ONECUT1: variants seen among roughly 807,000 people sequenced by gnomAD.
ONECUT1 encodes the protein one cut homeobox 1.
In ONECUT1, 12 loss-of-function variants were observed where a neutral mutation model predicts 25.6. That is an observed-to-expected ratio of 0.47 (90% CI 0.30 to 0.76). The LOEUF is 0.76. Among genes scored for constraint, ONECUT1 ranks in the 30% least tolerant of loss-of-function variants. The probability of loss-of-function intolerance (pLI) is 0.07; values close to 1 mark genes in which losing one functional copy is unlikely to be tolerated. For synonymous variants in ONECUT1, 285 were observed against 270.2 expected, an observed-to-expected ratio of 1.05 and a Z score of -0.54; for missense variants, 620 against 651.2, an observed-to-expected ratio of 0.95 and a Z score of 0.52.
intron 1 of ONECUT1, among the ~76,000 whole-genome samples, chr15:52,766,604 C>T (rs2083735796): frequency 6.6e-6 from 1 of 152,228 alleles, no homozygotes; most frequent in Non-Finnish European, 1.5e-5. Flanking sequence ...TAGCAGACAG[C>T]ACACCCATGC....
chr15:52,773,291 T>C (rs1038161212), intron 1 of ONECUT1, among the ~76,000 whole-genome samples: 6 of 152,038 alleles, frequency 3.9e-5, no homozygotes, highest in African/African-American at 1.4e-4. Context: ...GTTCCCACTG[T>C]GCAGGAAAAG....
intron 1 of ONECUT1, among the ~76,000 whole-genome samples, chr15:52,769,910 G>T (rs2083756283): frequency 6.6e-6 from 1 of 152,124 alleles, no homozygotes; most frequent in Non-Finnish European, 1.5e-5. Flanking sequence ...GAGTCTGTGT[G>T]GTAGAAACCT....
At chr15:52,774,277 C>A (rs146215873) in intron 1 of ONECUT1, among the ~76,000 whole-genome samples, 58 of 142,452 alleles carry the variant, frequency 4.1e-4, no homozygotes, top group Non-Finnish European at 7.3e-4. Context: ...TAATTTGCAA[C>A]AAGAAATGAA....
chr15:52,766,137 C>T (rs983805680), intron 1 of ONECUT1, among the ~76,000 whole-genome samples: 14 of 152,218 alleles, frequency 9.2e-5, no homozygotes, highest in African/African-American at 3.4e-4. Flanking sequence ...CACCGTAACT[C>T]ACCCTTGTGT....
chr15:52,771,379 G>T (rs1420526731), intron 1 of ONECUT1, among the ~76,000 whole-genome samples: 6 of 151,440 alleles, frequency 4.0e-5, no homozygotes, highest in African/African-American at 1.5e-4. Context: ...TTACAAAAAG[G>T]ACAAGCAGAT....
intron 1 of ONECUT1, among the ~76,000 whole-genome samples, chr15:52,775,146 C>A (rs984440705): frequency 6.7e-6 from 1 of 149,582 alleles, no homozygotes; most frequent in Non-Finnish European, 1.5e-5. Flanking sequence ...GCTGAGATTG[C>A]GCCACTGCAC....
chr15:52,756,611 G>C lies in ONECUT1; in HGVS notation c.*944C>G, dbSNP rs993909867. On this transcript the variant is annotated 3_prime_UTR_variant, in exon 2 of 2. Coordinates refer to ENST00000305901, the MANE Select transcript of ONECUT1 (RefSeq NM_004498.4). ...AGGAGTGTGCCATCTGGATGTACAC[G>C]TGTACTGCATCGACCTCTCTGCCAT... 6.6e-6 allele frequency among the ~76,000 whole-genome samples: 1 copy of C among 152,132 alleles called. No individual in the cohort carries two copies. The highest frequency in any genetic ancestry group is 2.1e-4 in the South Asian group (1 of 4,832).
intron 1 of ONECUT1, among the ~76,000 whole-genome samples, chr15:52,787,527 A>G (rs1306681091): frequency 1.3e-5 from 2 of 151,778 alleles, no homozygotes; most frequent in African/African-American, 4.8e-5. Context: ...GGGACGAATT[A>G]ATGGAGAACG....
At chr15:52,758,521 G>T (rs1490365688) in intron 1 of ONECUT1, among the ~76,000 whole-genome samples, 1 of 152,072 alleles carries the variant, frequency 6.6e-6, no homozygotes, top group African/African-American at 2.4e-5. Flanking sequence ...GAACTGTGGA[G>T]GTGTGAACCG....
intron 1 of ONECUT1, among the ~76,000 whole-genome samples, chr15:52,785,208 C>T (rs771829641): frequency 6.6e-6 from 1 of 152,208 alleles, no homozygotes; most frequent in Non-Finnish European, 1.5e-5. Flanking sequence ...AAATGTCACC[C>T]CGGGATAAAT....
chr15:52,784,368 C>G lies in ONECUT1; in HGVS notation c.1105+4412G>C, dbSNP rs937722465. On this transcript the variant is annotated intron_variant, in intron 1 of 1. Coordinates refer to ENST00000305901, the MANE Select transcript of ONECUT1 (RefSeq NM_004498.4). The surrounding 1 kb of genome is among the most constrained non-coding windows in gnomAD (Gnocchi z 5.0). ...ACCGGGATCCCTCTCCGGATGCTTC[C>G]AGGGCGATAGGTGCTGCACCCATTG... Among the ~76,000 whole-genome samples the G allele has an allele frequency of 3.9e-5, 6 of 152,240 alleles. No individual in the cohort carries two copies. Among genetic ancestry groups the G allele is most frequent in the African/African-American group, 1.4e-4 (6 of 41,460 alleles).
intron 1 of ONECUT1, among the ~76,000 whole-genome samples, chr15:52,770,741 A>G (rs1161987453): frequency 8.5e-5 from 13 of 152,234 alleles, no homozygotes; most frequent in African/African-American, 3.1e-4. Flanking sequence ...AAATACCACA[A>G]ATCAAATCCA....
intron 1 of ONECUT1, among the ~76,000 whole-genome samples, chr15:52,779,940 G>C (rs2083829595): frequency 6.6e-6 from 1 of 152,222 alleles, no homozygotes; most frequent in South Asian, 2.1e-4. Flanking sequence ...TAAATGTGGA[G>C]CTGGGGAGGA....
In ONECUT1 at chr15:52,788,891, G is replaced by C. The variant is rs764092445; in HGVS notation, c.994C>G (p.Arg332Gly). 6.2e-7 allele frequency: 1 copy of C among 1,614,136 alleles called. No homozygotes were observed. The highest frequency in any genetic ancestry group is 1.7e-5 in the Admixed American group (1 of 60,030). ...RSQGTLSDLL[R>G]NPKPWSKLKS... ...AGTTTGCTCCAGGGTTTGGGGTTGC[G>C]CAGCAGGTCCGAGAGGGTCCCCTGG... Residue 332 changes from arginine (R) to glycine (G), a missense_variant, in exon 1 of 2, where the codon CGC (arginine) becomes GGC (glycine). Around this residue, in one of 4 missense-constraint regions of ONECUT1, gnomAD observed 146 missense variants for 201.8 expected, o/e 0.72. Transcript: ENST00000305901. The surrounding 1 kb of genome is among the most constrained non-coding windows in gnomAD (Gnocchi z 4.3).
chr15:52,789,590 T>G lies in ONECUT1; in HGVS notation c.295A>C (p.Met99Leu). Residue 99 changes from methionine (M) to leucine (L), a missense_variant, in exon 1 of 2, where the codon ATG becomes CTG. Around this residue, in one of 4 missense-constraint regions of ONECUT1, gnomAD observed 440 missense variants for 404.9 expected, o/e 1.09. Transcript: ENST00000305901. This position sits in a 1 kb window ranked among gnomAD's most constrained non-coding sequence, Gnocchi z 4.1. The part of the protein sequence containing the change: ...MACETPPGMS[M>L]PTTYTTLTPL... ...GTCAAGGTGGTGTAGGTGGTGGGCA[T>G]GCTCATACCTGGGGGAGTCTCGCAG... The G allele has an allele frequency of 6.4e-7, 1 of 1,574,026 alleles. No individual in the cohort carries two copies. The highest frequency in any genetic ancestry group is 8.6e-7 in the Non-Finnish European group (1 of 1,157,516).
At position 52,761,826 on chromosome 15, in the gene ONECUT1, T is replaced by A. The variant is rs530863013; in HGVS notation, c.1106-3979A>T. Among the ~76,000 whole-genome samples, 157 of 152,318 alleles carry A rather than the reference T, an allele frequency of 1.0e-3. 1 individual carries two copies. Among genetic ancestry groups the A allele is most frequent in the Admixed American group, 6.9e-3 (106 of 15,302 alleles). On this transcript the variant is annotated intron_variant, in intron 1 of 1. Transcript: ENST00000305901. Reference sequence around the variant, plus strand: ...ATCTGCCAGGTTTCTGGTTGGATGATAGTAATGGGGCCATTAGGAAATGCA... The same window carrying A: ...ATCTGCCAGGTTTCTGGTTGGATGAAAGTAATGGGGCCATTAGGAAATGCA...
At chr15:52,766,779 G>C (rs55807522) in intron 1 of ONECUT1, among the ~76,000 whole-genome samples, 423 of 152,300 alleles carry the variant, frequency 2.8e-3, no homozygotes, top group Admixed American at 5.5e-3. Flanking sequence ...AAGCCAGGTC[G>C]GGAAAGTCAT....
intron 1 of ONECUT1, 103 bp from the exon 2 acceptor site, chr15:52,757,950 T>G: frequency 7.8e-7 from 1 of 1,277,328 alleles, no homozygotes; most frequent in Non-Finnish European, 1.1e-6. Flanking sequence ...CATGGCCTGC[T>G]TTCTGTTTGC....
chr15:52,789,171 C>A lies in ONECUT1; in HGVS notation c.714G>T (p.Ser238=), dbSNP rs754568573. ...GGCCGTTGATGGGCACCATGCCGGC[C>A]GAGGTGGGCGTGAGGTGCTGCTCCC... The part of the protein sequence containing the change: ...RHGEQHLTPT[S]AGMVPINGLP... The change falls in exon 1 of 2, where the codon TCG becomes TCT. Residue 238 remains serine (S), a synonymous_variant. Coordinates refer to ENST00000305901, the MANE Select transcript of ONECUT1 (RefSeq NM_004498.4). The surrounding 1 kb of genome is among the most constrained non-coding windows in gnomAD (Gnocchi z 4.1). 1.3e-6 allele frequency: 2 copies of A among 1,586,974 alleles called. No individual in the cohort carries two copies. The highest frequency in any genetic ancestry group is 1.7e-6 in the Non-Finnish European group (2 of 1,170,642).
Sources: gnomAD v4.1 joint callset for allele counts (sites outside exome capture counted in the v4.1 genomes callset) on GRCh38, gnomAD v4.1.1 for gene constraint, gnomAD v4.1.1 regional missense constraint, Gnocchi (gnomAD v3.1) non-coding constraint, MANE v1.5 for transcripts, NCBI Gene and HGNC (gene_info 2026-07-23, HGNC 2026-07-21) for gene names.